The following HAUS8 variants were observed in gnomAD, a reference collection of about 807,000 sequenced individuals.
The protein encoded by HAUS8 is HAUS augmin-like complex subunit 8.
In HAUS8, 38 loss-of-function variants were observed where a neutral mutation model predicts 42.9. The observed-to-expected ratio is 0.89, with a 90% CI of 0.68 to 1.16. The LOEUF (loss-of-function observed/expected upper bound fraction) is 1.16. Ranked by LOEUF, HAUS8 falls within the 50% of genes most tolerant of loss-of-function variation. HAUS8 has a pLI of 0.00. For missense variants in HAUS8, 494 were observed against 511.6 expected, an observed-to-expected ratio of 0.97 and a Z score of 0.33; for synonymous variants, 199 against 205.8, an observed-to-expected ratio of 0.97 and a Z score of 0.28.
rs368397498 is a variant in HAUS8 at position 17,056,017 on chromosome 19, G to C, written c.646-15C>G. 6.2e-7 allele frequency: 1 copy of C among 1,613,734 alleles called. No homozygotes were observed. The highest frequency in any genetic ancestry group is 8.5e-7 in the Non-Finnish European group (1 of 1,179,856). On this transcript the variant is annotated splice_polypyrimidine_tract_variant and intron_variant, in intron 8 of 10. Coordinates refer to ENST00000253669, the MANE Select transcript of HAUS8 (RefSeq NM_033417.2). ...AGCATCTCGATCTGTAAGCAGAAGG[G>C]ATAATCAGGGGAGACCCTGGAGTCC... is the stretch of plus-strand genomic sequence containing the variant.
chr19:17,071,121 T>A (rs1440017635), intron 2 of HAUS8, among the ~76,000 whole-genome samples: 1 of 150,434 alleles, frequency 6.6e-6, no homozygotes, highest in African/African-American at 2.4e-5. Flanking sequence ...AGCTCAGAGG[T>A]TTGCCTTTGT....
Position 17,059,613 on chromosome 19 carries a change from T to C in HAUS8, c.364A>G (p.Thr122Ala), listed in dbSNP as rs375759111. Residue 122 changes from threonine (T) to alanine (A), a missense_variant, in exon 6 of 11, where the codon ACA becomes GCA. Thr to Ala is a moderately conservative substitution (Grantham distance 58, BLOSUM62 0). Coordinates refer to ENST00000253669, the MANE Select transcript of HAUS8 (RefSeq NM_033417.2). ...IVKKTPQLAK[T>A]ISKKPESTSF... ...GTTGACTCAGGTTTCTTTGATATTGTTTTTGCTAACTGTGGCGTCTTTTTG... is the reference window on the plus strand; with the variant it reads ...GTTGACTCAGGTTTCTTTGATATTGCTTTTGCTAACTGTGGCGTCTTTTTG... The C allele has an allele frequency of 6.2e-7, 1 of 1,613,728 alleles. No individual in the cohort carries two copies. Among genetic ancestry groups the C allele is most frequent in the Non-Finnish European group, 8.5e-7 (1 of 1,179,826 alleles).
At position 17,059,630 on chromosome 19, in the gene HAUS8, G is replaced by A. The variant is rs201253866; in HGVS notation, c.347C>T (p.Thr116Met). The A allele has an allele frequency of 6.0e-5, 96 of 1,613,358 alleles. 1 individual carries two copies. The highest frequency in any genetic ancestry group is 2.8e-4 in the Admixed American group (17 of 59,992). The change falls in exon 6 of 11, where the codon ACG becomes ATG. Residue 116 changes from threonine (T) to methionine (M), a missense_variant. Coordinates refer to ENST00000253669, the MANE Select transcript of HAUS8 (RefSeq NM_033417.2). Reference protein sequence around the residue: ...AINDKSIVKKTPQLAKTISKK... With the variant: ...AINDKSIVKKMPQLAKTISKK... The stretch of plus-strand genomic sequence containing the variant: ...TGATATTGTTTTTGCTAACTGTGGC[G>A]TCTTTTTGACGATGCTTTTGTCTAA...
Position 17,052,862 on chromosome 19 carries a change from T to C in HAUS8, c.892A>G (p.Lys298Glu). The change falls in exon 10 of 11, where the codon AAG (lysine) becomes GAG (glutamate). Residue 298 changes from lysine (K) to glutamate (E), a missense_variant. Coordinates refer to ENST00000253669, the MANE Select transcript of HAUS8 (RefSeq NM_033417.2). ...AGGTCCTTTTTCGCCGTCACGTCCT[T>C]GAGTTCGCTCAGTAAGTCCAGCACC... ...VQVLDLLSEL[K>E]DVTAKKDLEL... 4 of 1,614,070 alleles carry C rather than the reference T, an allele frequency of 2.5e-6. No homozygotes were observed. Among genetic ancestry groups the C allele is most frequent in the African/African-American group, 1.3e-5 (1 of 75,032 alleles).
At chr19:17,050,691 T>C (rs1194682002) in intron 10 of HAUS8, among the ~76,000 whole-genome samples, 1 of 150,882 alleles carries the variant, frequency 6.6e-6, no homozygotes, top group East Asian at 2.0e-4. Flanking sequence ...AGGTCAGGAG[T>C]TCAAGACCAG....
In HAUS8 at chr19:17,059,999, TTA is replaced by T. The variant is rs1568637418; in HGVS notation, c.321_322del (p.Asn108Ter). 6.2e-7 allele frequency: 1 copy of T among 1,606,960 alleles called. No homozygotes were observed. The highest frequency in any genetic ancestry group is 8.5e-7 in the Non-Finnish European group (1 of 1,173,744). ...AAGGGGTGAAACAAATGATTTACCA[TTA>T]ATAGCAGAGAGATCCAGGTCAGGTG... On this transcript the variant is annotated frameshift_variant, in exon 5 of 11. Coordinates refer to ENST00000253669, the MANE Select transcript of HAUS8 (RefSeq NM_033417.2). LOFTEE classifies it high-confidence loss of function.
intron 2 of HAUS8, among the ~76,000 whole-genome samples, chr19:17,070,092 C>A (rs893915333): frequency 6.6e-6 from 1 of 151,962 alleles, no homozygotes; most frequent in Non-Finnish European, 1.5e-5. Flanking sequence ...CTCTCTGCCT[C>A]CCCCCATTTC....
At chr19:17,052,602 G>C in intron 10 of HAUS8, 1 of 460,200 alleles carries the variant, frequency 2.2e-6, no homozygotes, top group Non-Finnish European at 3.9e-6. Context: ...GGAAGGCAAG[G>C]CGGGTGCTTT....
chr19:17,075,201 A>G, intron 1 of HAUS8, 193 bp downstream of exon 1: 1 of 622,328 alleles, frequency 1.6e-6, no homozygotes, highest in South Asian at 1.9e-5. Flanking sequence ...CGCGGAACTC[A>G]GGGCCGGTCG....
At chr19:17,053,408 ACATCACATCAAG>A in intron 9 of HAUS8, 1 of 178,054 alleles carries the variant, frequency 5.6e-6, no homozygotes, top group South Asian at 1.2e-4. Context: ...ACCCTGACAT[ACATCACATCAAG>A]GCCAGTCGTA....
intron 6 of HAUS8, 96 bp from the exon 7 acceptor site, chr19:17,058,972 T>G (rs542760528): frequency 1.0e-6 from 1 of 980,796 alleles, no homozygotes; most frequent in East Asian, 2.5e-5. Context: ...GTGTGGATTT[T>G]CTGTATTCAG....
Position 17,058,687 on chromosome 19 carries a change from C to T in HAUS8, c.507G>A (p.Glu169=), listed in dbSNP as rs759411080. Residue 169 remains glutamate (E), a synonymous_variant, in exon 8 of 11, where the codon GAG becomes GAA. Coordinates refer to ENST00000253669, the MANE Select transcript of HAUS8 (RefSeq NM_033417.2). ...LSVKMENNLA[E]FERRAEKNLL... Reference sequence around the variant, plus strand: ...AATTCTTTTCTGCCCTTCTTTCAAACTCAGCAAGATTGTTCTCCATCTGTT... The same window carrying T: ...AATTCTTTTCTGCCCTTCTTTCAAATTCAGCAAGATTGTTCTCCATCTGTT... 7 of 1,609,898 alleles carry T rather than the reference C, an allele frequency of 4.3e-6. No individual in the cohort carries two copies. Among genetic ancestry groups the T allele is most frequent in the Admixed American group, 1.7e-5 (1 of 58,858 alleles).
chr19:17,059,447 G>GTGTCTTT, intron 6 of HAUS8, 110 bp downstream of exon 6: 1 of 725,796 alleles, frequency 1.4e-6, no homozygotes, highest in South Asian at 1.7e-5. Context: ...AAGGGCATGG[G>GTGTCTTT]TGTCTTTTAT....
intron 1 of HAUS8, chr19:17,074,761 A>G (rs935542891): frequency 1.3e-5 from 2 of 151,944 alleles, no homozygotes; most frequent in African/African-American, 4.9e-5. Context: ...GGCCAATTTC[A>G]CTTCAGTTTG....
At chr19:17,058,428 G>T in intron 8 of HAUS8, 121 bp downstream of exon 8, 2 of 975,228 alleles carry the variant, frequency 2.1e-6, no homozygotes, top group Non-Finnish European at 3.0e-6. Flanking sequence ...GGCATTAAAA[G>T]CCCAACACAG....
At chr19:17,056,284 G>A (rs1188726999) in intron 8 of HAUS8, among the ~76,000 whole-genome samples, 2 of 152,136 alleles carry the variant, frequency 1.3e-5, no homozygotes, top group African/African-American at 2.4e-5. Context: ...GCGCCTAAAC[G>A]CCTGCCTTCC....
intron 4 of HAUS8, among the ~76,000 whole-genome samples, 162 bp downstream of exon 4, chr19:17,062,536 C>T (rs953537623): frequency 6.6e-6 from 1 of 152,182 alleles, no homozygotes; most frequent in Non-Finnish European, 1.5e-5. Flanking sequence ...CATCCCCACT[C>T]ACCTCCCCAC....
In HAUS8 at chr19:17,049,755, G is replaced by T. The variant is rs977271757; in HGVS notation, c.*118C>A. ...TCCAACTGGCCCCTTCATAGAAAAT[G>T]GAGGCTTCAATTGCAAAACAGGTTT... is the stretch of plus-strand genomic sequence containing the variant. On this transcript the variant is annotated 3_prime_UTR_variant, in exon 11 of 11. Coordinates refer to ENST00000253669, the MANE Select transcript of HAUS8 (RefSeq NM_033417.2). 4.9e-6 allele frequency: 4 copies of T among 819,372 alleles called. No individual in the cohort carries two copies. Among genetic ancestry groups the T allele is most frequent in the Non-Finnish European group, 6.9e-6 (4 of 577,644 alleles). 50.8% of individuals were successfully genotyped at this position (819,372 alleles called of 1,614,324 possible).
intron 3 of HAUS8, among the ~76,000 whole-genome samples, chr19:17,064,243 A>G (rs1356599868): frequency 1.3e-5 from 2 of 152,256 alleles, no homozygotes; most frequent in African/African-American, 4.8e-5. Flanking sequence ...GAAATCCAGG[A>G]AGATCTAAAT....
Sources: allele counts gnomAD v4.1 joint callset (sites outside exome capture counted in the v4.1 genomes callset), GRCh38; gene constraint gnomAD v4.1.1; transcripts MANE v1.5; gene names NCBI Gene and HGNC (gene_info 2026-07-23, HGNC 2026-07-21).